SLCO1A2: variants seen among roughly 807,000 people sequenced by gnomAD.
The protein encoded by SLCO1A2 is OATP-1.
Under a neutral mutation model 69.0 loss-of-function variants are expected in SLCO1A2, and 67 were observed. The ratio of observed to expected loss-of-function variants is 0.97; its 90% CI spans 0.80 to 1.19. SLCO1A2 has a LOEUF of 1.19. Ranked by LOEUF, SLCO1A2 falls within the 50% of genes most tolerant of loss-of-function variation. The pLI is 0.00. For synonymous variants in SLCO1A2, 260 were observed against 265.9 expected (o/e 0.98, Z 0.22); for missense variants, 787 against 793.7 (o/e 0.99, Z 0.10).
At chr12:21,278,493 C>G (rs1944269517) in intron 12 of SLCO1A2, among the ~76,000 whole-genome samples, 1 of 152,134 alleles carries the variant, frequency 6.6e-6, no homozygotes, top group African/African-American at 2.4e-5. Flanking sequence ...GTGGTGGCCA[C>G]AGGGGTGCAT....
chr12:21,417,014 G>C (rs1166965829), intron 1 of SLCO1A2, among the ~76,000 whole-genome samples: 8 of 152,088 alleles, frequency 5.3e-5, no homozygotes, highest in Non-Finnish European at 2.9e-5. Flanking sequence ...AGAATGTTGA[G>C]TCTTTGAACC....
rs139514862 is a variant in SLCO1A2 at position 21,284,204 on chromosome 12, G to A, written c.1610+7960C>T. On this transcript the variant is annotated intron_variant, in intron 12 of 14. Transcript: ENST00000683939. ...ATAGATGAATGGATAAAGAAAATGT[G>A]GTACATATACAGGATGGAGTAATAT... 7.6e-4 allele frequency among the ~76,000 whole-genome samples: 116 copies of A among 152,206 alleles called. No individual in the cohort carries two copies. The Middle Eastern group carries it at 0.017, about 22-fold the overall frequency.
intron 2 of SLCO1A2, among the ~76,000 whole-genome samples, chr12:21,342,898 C>T (rs1591863837): frequency 1.3e-5 from 2 of 151,806 alleles, no homozygotes; most frequent in Admixed American, 6.6e-5. Flanking sequence ...CCAGTACTTG[C>T]GATAAAAAAT....
rs1941965803 is a variant in SLCO1A2, at chr12:21,414,895, A to G, written c.-312+2987T>C. On this transcript the variant is annotated intron_variant, in intron 1 of 4. Coordinates refer to the SLCO1A2 transcript ENST00000413682. ...TGCATTGAATCCTTATTATTATTTGATGATATATTGTATTCCTAATCATTA... is the reference window on the plus strand; with the variant it reads ...TGCATTGAATCCTTATTATTATTTGGTGATATATTGTATTCCTAATCATTA... Among the ~76,000 whole-genome samples, 3 of 152,130 alleles carry G rather than the reference A, an allele frequency of 2.0e-5. 1 individual carries two copies. The South Asian group carries it at 6.2e-4, about 31-fold the overall frequency.
At chr12:21,390,950 T>A (rs1941122372) in intron 1 of SLCO1A2, among the ~76,000 whole-genome samples, 1 of 152,208 alleles carries the variant, frequency 6.6e-6, no homozygotes, top group Admixed American at 6.5e-5. Context: ...TCTGAGTAGC[T>A]GTATTAAGTA....
intron 11 of SLCO1A2, among the ~76,000 whole-genome samples, chr12:21,293,192 AC>A (rs556789238): frequency 1.4e-3 from 209 of 152,180 alleles, no homozygotes; most frequent in Non-Finnish European, 2.2e-3. Context: ...CATCCTAGCT[AC>A]TCAGGAGGCT....
At position 21,294,021 on chromosome 12, in the gene SLCO1A2, C is replaced by T. The variant is rs756337613; in HGVS notation, c.1361G>A (p.Cys454Tyr). The change falls in exon 11 of 15, where the codon TGT becomes TAT. Residue 454 changes from cysteine (C) to tyrosine (Y), a missense_variant. Cys to Tyr is a radical substitution (Grantham distance 194). Transcript: ENST00000683939. ...NCPSKIWDPV[C>Y]GNNGLSYLSA... is the part of the protein sequence containing the mutation. Reference sequence around the variant, plus strand: ...CAGATATGACAAGCCATTGTTTCCACACACAGGATCCCATATTTTAGATGG... The same window carrying T: ...CAGATATGACAAGCCATTGTTTCCATACACAGGATCCCATATTTTAGATGG... The T allele has an allele frequency of 2.5e-6, 4 of 1,612,774 alleles. No individual in the cohort carries two copies. The highest frequency in any genetic ancestry group is 3.4e-6 in the Non-Finnish European group (4 of 1,179,444).
chr12:21,277,407 T>A (rs1944066710), intron 12 of SLCO1A2, among the ~76,000 whole-genome samples: 1 of 152,096 alleles, frequency 6.6e-6, no homozygotes, highest in African/African-American at 2.4e-5. Flanking sequence ...GCAGGTAGTA[T>A]GTTATGGGCC....
rs759939003 is a variant in SLCO1A2 at position 21,318,836 on chromosome 12, GTCTC to G, written c.144_147del (p.Glu48AspfsTer9). ...ACTAGAGATGTTGGGATGTTGAATT[GTCTC>G]TCTATTTGTGTGAGCATGGAATTCA... On this transcript the variant is annotated frameshift_variant, in exon 3 of 15. Transcript: ENST00000683939. LOFTEE classifies it high-confidence loss of function. 2.0e-5 allele frequency: 32 copies of G among 1,610,908 alleles called. No individual in the cohort carries two copies. Among genetic ancestry groups the G allele is most frequent in the Admixed American group, 3.4e-5 (2 of 59,638 alleles).
intron 2 of SLCO1A2, chr12:21,373,630 A>G: frequency 1.4e-6 from 1 of 700,134 alleles, no homozygotes; most frequent in Non-Finnish European, 2.6e-6. Context: ...TCTTTGATGG[A>G]ACTTCTGACA....
chr12:21,349,576 A>T (rs1937765057), intron 2 of SLCO1A2, among the ~76,000 whole-genome samples: 1 of 152,156 alleles, frequency 6.6e-6, no homozygotes, highest in Non-Finnish European at 1.5e-5. Flanking sequence ...TTAAAATGAA[A>T]CATCTAACCC....
intron 2 of SLCO1A2, among the ~76,000 whole-genome samples, chr12:21,367,223 A>G (rs1939454275): frequency 6.6e-6 from 1 of 152,176 alleles, no homozygotes; most frequent in Admixed American, 6.5e-5. Flanking sequence ...TGTGTTTAGA[A>G]CTATGCTCAG....
chr12:21,416,387 A>C (rs926042447), intron 1 of SLCO1A2, among the ~76,000 whole-genome samples: 10 of 143,022 alleles, frequency 7.0e-5, no homozygotes, highest in African/African-American at 1.0e-4. Context: ...CACACACACA[A>C]AAGACAATAA....
intron 1 of SLCO1A2, among the ~76,000 whole-genome samples, chr12:21,402,997 C>CAG (rs986092004): frequency 2.0e-5 from 3 of 151,584 alleles, no homozygotes; most frequent in Non-Finnish European, 3.0e-5. Context: ...CTGAGATTTC[C>CAG]AGAGAGAGAG....
chr12:21,345,483 T>C (rs903201147), intron 2 of SLCO1A2, among the ~76,000 whole-genome samples: 4 of 152,144 alleles, frequency 2.6e-5, no homozygotes, highest in African/African-American at 4.8e-5. Context: ...CTCTGCTCAT[T>C]CATCTTAGAT....
intron 12 of SLCO1A2, among the ~76,000 whole-genome samples, chr12:21,291,112 C>CATTA (rs1946773036): frequency 6.6e-6 from 1 of 152,094 alleles, no homozygotes; most frequent in Admixed American, 6.6e-5. Context: ...AATGAGCTAT[C>CATTA]ATTAGTATTT....
intron 12 of SLCO1A2, among the ~76,000 whole-genome samples, chr12:21,289,183 TCTG>T (rs1286641984): frequency 7.8e-6 from 1 of 128,534 alleles, no homozygotes; most frequent in African/African-American, 2.8e-5. Context: ...ATGGTACCAT[TCTG>T]TGTGTGTGTG....
At position 21,407,473 on chromosome 12, in the gene SLCO1A2, C is replaced by A. The variant is rs75762959; in HGVS notation, c.-312+10409G>T. ...TGGGAATCCATAGGAGGGTGTGAAGCAGAAAAATTACTTGATCAAATTTGT... is the reference window on the plus strand; with the variant it reads ...TGGGAATCCATAGGAGGGTGTGAAGAAGAAAAATTACTTGATCAAATTTGT... On this transcript the variant is annotated intron_variant, in intron 1 of 4. Coordinates refer to the SLCO1A2 transcript ENST00000413682. Among the ~76,000 whole-genome samples, 27 of 152,194 alleles carry A rather than the reference C, an allele frequency of 1.8e-4. No individual in the cohort carries two copies. The East Asian group carries it at 3.5e-3, about 20-fold the overall frequency.
chr12:21,408,752 G>A (rs2215733), intron 1 of SLCO1A2, among the ~76,000 whole-genome samples: 5,038 of 151,068 alleles, frequency 0.033, 132 homozygotes, highest in Non-Finnish European at 0.049. Flanking sequence ...GTGTGTGTAC[G>A]TGCTCCCGCA....
Sources: gnomAD v4.1 joint callset for allele counts (sites outside exome capture counted in the v4.1 genomes callset) on GRCh38, gnomAD v4.1.1 for gene constraint, MANE v1.5 for transcripts, NCBI Gene and HGNC (gene_info 2026-07-23, HGNC 2026-07-21) for gene names.